SLC25A26: variants seen among roughly 807,000 people sequenced by gnomAD.
SLC25A26 encodes mitochondrial S-adenosylmethionine carrier protein.
SLC25A26 carries 36 observed loss-of-function variants against 37.8 expected under a neutral mutation model. That is an observed-to-expected ratio of 0.95 (90% CI 0.73 to 1.26). The LOEUF (loss-of-function observed/expected upper bound fraction) is 1.26, where lower values mean the gene tolerates loss of function less well. SLC25A26 is among the 50% of genes most tolerant of loss of function. The pLI, the probability that SLC25A26 is intolerant of heterozygous loss-of-function variation, is 0.00. For missense variants in SLC25A26, 390 were observed against 331.1 expected (o/e 1.18, Z -1.38); for synonymous variants, 129 against 122.5 (o/e 1.05, Z -0.35).
intron 5 of SLC25A26, among the ~76,000 whole-genome samples, chr3:66,333,057 C>T (rs776943235): frequency 1.3e-5 from 2 of 152,024 alleles, no homozygotes; most frequent in Non-Finnish European, 2.9e-5. Context: ...AGTCTGATGC[C>T]TCTGATTTTT....
intron 1 of SLC25A26, among the ~76,000 whole-genome samples, chr3:66,185,727 T>C (rs1171105808): frequency 2.0e-5 from 3 of 152,126 alleles, no homozygotes; most frequent in Non-Finnish European, 4.4e-5. Context: ...CCGTGGCCCA[T>C]ACTATTAACC....
intron 2 of SLC25A26, among the ~76,000 whole-genome samples, chr3:66,242,843 T>A (rs372556708): frequency 1.3e-5 from 2 of 152,358 alleles, no homozygotes; most frequent in East Asian, 1.9e-4. Context: ...TGTAGTTGAT[T>A]GTTTTATGGC....
intron 3 of SLC25A26, among the ~76,000 whole-genome samples, chr3:66,248,652 T>C (rs997867218): frequency 6.6e-6 from 1 of 152,234 alleles, no homozygotes; most frequent in African/African-American, 2.4e-5. Flanking sequence ...ATAGGTGACA[T>C]GTACATGTCC....
At chr3:66,168,639 AT>A (rs1324420818) in intron 1 of SLC25A26, among the ~76,000 whole-genome samples, 1 of 152,178 alleles carries the variant, frequency 6.6e-6, no homozygotes, top group Admixed American at 6.5e-5. Context: ...TTGGAATATA[AT>A]TTAGAGATGT....
chr3:66,212,922 G>C (rs1027709678), intron 1 of SLC25A26, among the ~76,000 whole-genome samples: 4 of 152,290 alleles, frequency 2.6e-5, no homozygotes, highest in African/African-American at 9.6e-5. Flanking sequence ...TGTAGAAAAA[G>C]TATCTGTTAA....
chr3:66,256,452 T>TA (rs1349004993), intron 3 of SLC25A26, among the ~76,000 whole-genome samples: 2 of 152,184 alleles, frequency 1.3e-5, no homozygotes, highest in African/African-American at 4.8e-5. Flanking sequence ...GAAATTATGT[T>TA]AAAAACTTGT....
intron 1 of SLC25A26, among the ~76,000 whole-genome samples, chr3:66,163,415 T>A (rs1412120283): frequency 6.6e-6 from 1 of 152,196 alleles, no homozygotes; most frequent in African/African-American, 2.4e-5. Flanking sequence ...TCATCTTTTT[T>A]CCCCGGTCCT....
At chr3:66,353,359 G>C (rs1457982422) in intron 6 of SLC25A26, among the ~76,000 whole-genome samples, 1 of 152,156 alleles carries the variant, frequency 6.6e-6, no homozygotes, top group African/African-American at 2.4e-5. Flanking sequence ...TGAAGTAGGT[G>C]CTGGCCTGGT....
chr3:66,267,988 A>G (rs1310077299), intron 5 of SLC25A26, among the ~76,000 whole-genome samples: 1 of 151,840 alleles, frequency 6.6e-6, no homozygotes, highest in African/African-American at 2.4e-5. Context: ...TCCCCCGAAC[A>G]CTCATGTTAT....
intron 5 of SLC25A26, among the ~76,000 whole-genome samples, chr3:66,342,735 C>T (rs1045863277): frequency 1.3e-5 from 2 of 152,284 alleles, no homozygotes; most frequent in South Asian, 4.1e-4. Flanking sequence ...CACCTCGAAT[C>T]CTCACATGCA....
chr3:66,260,453 C>T (rs1240166179), intron 3 of SLC25A26, among the ~76,000 whole-genome samples: 1 of 152,164 alleles, frequency 6.6e-6, no homozygotes, highest in African/African-American at 2.4e-5. Flanking sequence ...CAGATGATAT[C>T]GTTTTGTAAA....
chr3:66,343,027 T>C (rs367940370), intron 5 of SLC25A26, among the ~76,000 whole-genome samples: 35 of 152,310 alleles, frequency 2.3e-4, no homozygotes, highest in African/African-American at 8.2e-4. Flanking sequence ...ATTTTCTTCA[T>C]CTATAAAACA....
chr3:66,340,126 AATG>A (rs1380740540), intron 5 of SLC25A26, among the ~76,000 whole-genome samples: 1 of 152,030 alleles, frequency 6.6e-6, no homozygotes, highest in Non-Finnish European at 1.5e-5. Context: ...TTCGCTGTTG[AATG>A]GTCTGGCACC....
intron 5 of SLC25A26, among the ~76,000 whole-genome samples, chr3:66,313,018 G>C (rs1170899166): frequency 2.6e-5 from 4 of 152,124 alleles, no homozygotes. Context: ...TGTAGACTCT[G>C]GATACTAGAC....
At chr3:66,292,958 A>G (rs781280655) in intron 5 of SLC25A26, among the ~76,000 whole-genome samples, 35 of 151,828 alleles carry the variant, frequency 2.3e-4, no homozygotes, top group Non-Finnish European at 4.4e-4. Flanking sequence ...ACATAGTCCT[A>G]TATTTCTTGG....
chr3:66,312,426 G>T (rs979365472), intron 5 of SLC25A26, among the ~76,000 whole-genome samples: 2 of 152,084 alleles, frequency 1.3e-5, no homozygotes, highest in African/African-American at 4.8e-5. Context: ...GGCTCTGTGG[G>T]GGTGGAGCCT....
At chr3:66,273,517 C>T (rs1416343623) in intron 5 of SLC25A26, among the ~76,000 whole-genome samples, 1 of 152,034 alleles carries the variant, frequency 6.6e-6, no homozygotes, top group Non-Finnish European at 1.5e-5. Context: ...TTGTCTCAGC[C>T]CAAAGTCTCC....
chr3:66,236,747 T>A, intron 2 of SLC25A26, 47 bp downstream of exon 2: 2 of 1,415,338 alleles, frequency 1.4e-6, no homozygotes, highest in South Asian at 2.8e-5. Flanking sequence ...TAAGATGGGA[T>A]TTTCAGAATG....
rs140276167 is a variant in SLC25A26 at position 66,183,492 on chromosome 3, C to G, written c.-353-37250C>G. 1.2e-3 allele frequency among the ~76,000 whole-genome samples: 180 copies of G among 152,180 alleles called. 1 individual carries two copies. The highest frequency in any genetic ancestry group is 4.1e-3 in the African/African-American group (170 of 41,522). ...TATGGCCCTCACGCTGACTCTGACC[C>G]TCACACTTACCCTCTCAATTTAACC... is the stretch of plus-strand genomic sequence containing the variant. On this transcript the variant is annotated intron_variant, in intron 1 of 10. Transcript: ENST00000676754.
Sources: allele counts gnomAD v4.1 joint callset (sites outside exome capture counted in the v4.1 genomes callset), GRCh38; gene constraint gnomAD v4.1.1; transcripts MANE v1.5; gene names NCBI Gene and HGNC (gene_info 2026-07-23, HGNC 2026-07-21).